Variants in ZNF254 observed in about 807,000 individuals in gnomAD.
ZNF254 encodes zinc finger protein 254, also known as CTD-2017D11.1.
ZNF254 carries 10 observed loss-of-function variants against 12.4 expected under a neutral mutation model. The observed-to-expected ratio is 0.80, with a 90% CI of 0.50 to 1.36. ZNF254 has a LOEUF of 1.36. Among genes scored for constraint, ZNF254 ranks in the 40% most tolerant of loss-of-function variants. ZNF254 has a pLI of 0.00. For missense variants in ZNF254, 996 were observed against 763.9 expected (o/e 1.30, Z -3.58); for synonymous variants, 305 against 253.4 (o/e 1.20, Z -1.93).
chr19:24,042,940 A>C (rs1436238906), intron 1 of ZNF254, among the ~76,000 whole-genome samples: 2 of 152,130 alleles, frequency 1.3e-5, no homozygotes, highest in African/African-American at 2.4e-5. Context: ...TCTTGGAGGG[A>C]TGGATTTCCC....
At chr19:24,049,423 T>C (rs1431482192) in intron 2 of ZNF254, 1 of 151,782 alleles carries the variant, frequency 6.6e-6, no homozygotes, top group Non-Finnish European at 1.5e-5. Context: ...TATAATCTCA[T>C]CCCTGAACAT....
chr19:24,034,654 G>C (rs1465249295), intron 1 of ZNF254, among the ~76,000 whole-genome samples: 1 of 151,804 alleles, frequency 6.6e-6, no homozygotes, highest in Non-Finnish European at 1.5e-5. Flanking sequence ...CCGACGCCCA[G>C]CTAATTTTTG....
Position 24,129,705 on chromosome 19 carries a change from G to T in ZNF254, c.*1725G>T, listed in dbSNP as rs1975112035. On this transcript the variant is annotated 3_prime_UTR_variant, in exon 4 of 4. Transcript: ENST00000357002. ...CTAGCATTTATTCTTTTTATTACAA[G>T]CAATTCAATTGTACACTTTTAGTTA... The T allele has an allele frequency of 6.6e-6, 1 of 151,844 alleles. No homozygotes were observed. The highest frequency in any genetic ancestry group is 1.5e-5 in the Non-Finnish European group (1 of 67,922). The allele number at this position is 151,844 out of a possible 1,614,324, so 9.4% of individuals were successfully genotyped here. A position where few individuals can be genotyped will look rare whatever the true frequency, so the allele number is the denominator to read the frequency against.
Position 24,105,948 on chromosome 19 carries a change from G to T in ZNF254, c.39G>T (p.Leu13Phe). The T allele has an allele frequency of 1.3e-6, 2 of 1,593,868 alleles. No individual in the cohort carries two copies. The highest frequency in any genetic ancestry group is 1.7e-6 in the Non-Finnish European group (2 of 1,167,772). ...GPPRSLEMGL[L>F]TFRDVAIEFS... ...TTGTGTGTGTTTTCCAGGGACTGTT[G>T]ACATTTAGGGATGTGGCCATAGAAT... Residue 13 changes from leucine (L) to phenylalanine (F), a missense_variant, in exon 2 of 4, where the codon TTG becomes TTT. By Grantham distance (22) the Leu-to-Phe change is conservative (BLOSUM62 0). Transcript: ENST00000357002.
In ZNF254 at chr19:24,129,357, A is replaced by G. The variant is rs553901039; in HGVS notation, c.*1377A>G. On this transcript the variant is annotated 3_prime_UTR_variant, in exon 4 of 4. Coordinates refer to ENST00000357002, the MANE Select transcript of ZNF254 (RefSeq NM_203282.4). ...CATATTAAATACTATTGTGAATTCA[A>G]TGAAGTGTTCTTATGCCACTAACTT... 1.0e-3 allele frequency: 152 copies of G among 152,164 alleles called. No individual in the cohort carries two copies. Among genetic ancestry groups the G allele is most frequent in the African/African-American group, 3.3e-3 (139 of 41,570 alleles). 9.4% of individuals were successfully genotyped at this position (152,164 alleles called of 1,614,324 possible). A position where few individuals can be genotyped will look rare whatever the true frequency, so the allele number is the denominator to read the frequency against.
At chr19:24,120,053 G>T (rs185363160) in intron 3 of ZNF254, among the ~76,000 whole-genome samples, 63 of 152,174 alleles carry the variant, frequency 4.1e-4, no homozygotes, top group Admixed American at 9.8e-4. Context: ...AAAGAAAGAG[G>T]TTTATTGGTC....
At chr19:24,097,179 T>C (rs564647230) in intron 1 of ZNF254, among the ~76,000 whole-genome samples, 1 of 152,208 alleles carries the variant, frequency 6.6e-6, no homozygotes, top group Non-Finnish European at 1.5e-5. Flanking sequence ...TTAATTGCTC[T>C]TTTTTTGCTT....
At chr19:24,057,242 G>A (rs768765504) in intron 2 of ZNF254, among the ~76,000 whole-genome samples, 11 of 152,212 alleles carry the variant, frequency 7.2e-5, no homozygotes, top group Non-Finnish European at 1.3e-4. Context: ...CATGGACAAA[G>A]CCTACTGGAG....
intron 1 of ZNF254, among the ~76,000 whole-genome samples, chr19:24,039,454 CTCTG>C (rs1170599707): frequency 6.6e-6 from 1 of 152,110 alleles, no homozygotes; most frequent in African/African-American, 2.4e-5. Flanking sequence ...GAGACAGAGT[CTCTG>C]TCTGTTGCCA....
At chr19:24,106,253 T>G (rs1973334476) in intron 2 of ZNF254, 187 bp downstream of exon 2, 1 of 786,994 alleles carries the variant, frequency 1.3e-6, no homozygotes, top group Admixed American at 3.6e-5. Context: ...CCTGAGCTAA[T>G]CTGTGTCCTG....
intron 3 of ZNF254, among the ~76,000 whole-genome samples, chr19:24,116,176 G>A (rs1411935225): frequency 6.6e-6 from 1 of 151,086 alleles, no homozygotes; most frequent in African/African-American, 2.4e-5. Flanking sequence ...TATGTGTCTT[G>A]GAGTTGCTCT....
chr19:24,055,543 CT>C lies in ZNF254; in HGVS notation c.-94+9265del, dbSNP rs1311039436. ...CCACCTGCATCAGCCTCCCAAAGTGCTGGGATTACAGGTGTGAGCCACTGCA... is the reference window on the plus strand; with the variant it reads ...CCACCTGCATCAGCCTCCCAAAGTGCGGGATTACAGGTGTGAGCCACTGCA... On this transcript the variant is annotated intron_variant, in intron 2 of 4. Transcript: ENST00000613065. Among the ~76,000 whole-genome samples, 8 of 152,202 alleles carry C rather than the reference CT, an allele frequency of 5.3e-5. No homozygotes were observed. The East Asian group carries it at 1.6e-3, about 30-fold the overall frequency.
chr19:24,104,475 C>G (rs1188485319), intron 1 of ZNF254: 1 of 152,084 alleles, frequency 6.6e-6, no homozygotes, highest in Non-Finnish European at 1.5e-5. Flanking sequence ...AGATCAAGAG[C>G]TGTGTCTACT....
chr19:24,041,555 G>T (rs920243705), intron 1 of ZNF254, among the ~76,000 whole-genome samples: 1 of 152,254 alleles, frequency 6.6e-6, no homozygotes, highest in Non-Finnish European at 1.5e-5. Context: ...TTCCTGCGGG[G>T]CAGGGCTCGG....
chr19:24,075,919 G>A (rs1971641316), intron 2 of ZNF254, among the ~76,000 whole-genome samples: 1 of 152,210 alleles, frequency 6.6e-6, no homozygotes, highest in African/African-American at 2.4e-5. Context: ...AAAGAATTCA[G>A]TGATATTTCT....
intron 1 of ZNF254, chr19:24,033,655 A>G (rs1599554137): frequency 8.6e-6 from 3 of 348,288 alleles, no homozygotes; most frequent in Admixed American, 3.7e-5. Flanking sequence ...CCGAAAGGAG[A>G]GAGCGGGCTG....
intron 2 of ZNF254, among the ~76,000 whole-genome samples, chr19:24,074,873 T>A (rs1455467296): frequency 6.6e-6 from 1 of 152,132 alleles, no homozygotes; most frequent in African/African-American, 2.4e-5. Context: ...GCCTCTCACT[T>A]AGATGATGTG....
chr19:24,116,262 G>A (rs1356786530), intron 3 of ZNF254, among the ~76,000 whole-genome samples: 1 of 152,138 alleles, frequency 6.6e-6, no homozygotes. Context: ...GATTAGGGAA[G>A]TTCTCCTGGA....
Position 24,126,680 on chromosome 19 carries a change from A to C in ZNF254, c.680A>C (p.Asn227Thr). 6.2e-7 allele frequency: 1 copy of C among 1,613,162 alleles called. No homozygotes were observed. Among genetic ancestry groups the C allele is most frequent in the Non-Finnish European group, 8.5e-7 (1 of 1,179,670 alleles). Residue 227 changes from asparagine to threonine, a missense_variant, in exon 4 of 4, where the codon AAT becomes ACT. By Grantham distance (65) the Asn-to-Thr change is moderately conservative (BLOSUM62 0). Coordinates refer to ENST00000357002, the MANE Select transcript of ZNF254 (RefSeq NM_203282.4). ...TTTAATTGGTCCTCAACCCTTACTAATCATAGGAAAATTTATACTGAAGAG... is the reference window on the plus strand; with the variant it reads ...TTTAATTGGTCCTCAACCCTTACTACTCATAGGAAAATTTATACTGAAGAG... ...KTFNWSSTLT[N>T]HRKIYTEEKP... is the part of the protein sequence containing the mutation.
Sources: allele counts gnomAD v4.1 joint callset (sites outside exome capture counted in the v4.1 genomes callset), GRCh38; gene constraint gnomAD v4.1.1; transcripts MANE v1.5; gene names NCBI Gene and HGNC (gene_info 2026-07-23, HGNC 2026-07-21).